PRKN: variants seen among roughly 807,000 people sequenced by gnomAD.
The protein encoded by PRKN is E3 ubiquitin-protein ligase parkin.
In PRKN, 56 loss-of-function variants were observed where a neutral mutation model predicts 59.5. That is an observed-to-expected ratio of 0.94 (90% confidence interval 0.76 to 1.18). The LOEUF (loss-of-function observed/expected upper bound fraction) is 1.18, where lower values mean the gene tolerates loss of function less well. PRKN is among the 50% of genes most tolerant of loss of function. The pLI, the probability that PRKN is intolerant of heterozygous loss-of-function variation, is 0.00. For synonymous variants in PRKN, 250 were observed against 222.1 expected, an observed-to-expected ratio of 1.13 and a Z score of -1.12; for missense variants, 657 against 596.4, an observed-to-expected ratio of 1.10 and a Z score of -1.06.
At chr6:161,891,712 A>G (rs1378995921) in intron 6 of PRKN, among the ~76,000 whole-genome samples, 1 of 152,228 alleles carries the variant, frequency 6.6e-6, no homozygotes, top group African/African-American at 2.4e-5. Context: ...AGACAAATAC[A>G]TCTTCATTCT....
At chr6:162,599,254 C>T (rs899961977) in intron 1 of PRKN, among the ~76,000 whole-genome samples, 6 of 151,938 alleles carry the variant, frequency 3.9e-5, no homozygotes, top group Non-Finnish European at 5.9e-5. Flanking sequence ...AAGAGCTAAC[C>T]CAGAAGATAA....
At chr6:161,879,965 C>T (rs888959994) in intron 6 of PRKN, among the ~76,000 whole-genome samples, 1 of 152,056 alleles carries the variant, frequency 6.6e-6, no homozygotes, top group Non-Finnish European at 1.5e-5. Flanking sequence ...GATGAAAATG[C>T]ACAGAATAAA....
chr6:162,439,496 C>T (rs1789949561), intron 2 of PRKN, among the ~76,000 whole-genome samples: 1 of 152,118 alleles, frequency 6.6e-6, no homozygotes, highest in Admixed American at 6.5e-5. Flanking sequence ...TCAAGAAATT[C>T]ACCTCTGGAT....
At chr6:161,482,739 C>T (rs1056798494) in intron 9 of PRKN, among the ~76,000 whole-genome samples, 1 of 152,122 alleles carries the variant, frequency 6.6e-6, no homozygotes, top group African/African-American at 2.4e-5. Flanking sequence ...GGTTAATGAC[C>T]CCAATTCTGG....
chr6:161,863,944 C>T (rs1181620314), intron 6 of PRKN, among the ~76,000 whole-genome samples: 1 of 152,164 alleles, frequency 6.6e-6, no homozygotes, highest in African/African-American at 2.4e-5. Flanking sequence ...TAATTTAAAA[C>T]TATTTTATTG....
chr6:161,582,489 C>T lies in PRKN; in HGVS notation c.872-13073G>A, dbSNP rs1386951935. Among the ~76,000 whole-genome samples the T allele has an allele frequency of 5.3e-5, 8 of 151,622 alleles. No individual in the cohort carries two copies. The highest frequency in any genetic ancestry group is 1.2e-4 in the Non-Finnish European group (8 of 67,956). Reference sequence around the variant, plus strand: ...TCGCCTAGGCTGGAGTGCAGTGGCGCGATCTAGGCTCACTGCAAGCTCCGC... The same window carrying T: ...TCGCCTAGGCTGGAGTGCAGTGGCGTGATCTAGGCTCACTGCAAGCTCCGC... On this transcript the variant is annotated intron_variant, in intron 7 of 11. Transcript: ENST00000366898. This position sits in a 1 kb window ranked among gnomAD's most constrained non-coding sequence, Gnocchi z 4.4.
chr6:161,450,540 T>C (rs1165868307), intron 9 of PRKN, among the ~76,000 whole-genome samples: 1 of 152,040 alleles, frequency 6.6e-6, no homozygotes, highest in Non-Finnish European at 1.5e-5. Context: ...ATACCATGAT[T>C]TACTTAATGT....
chr6:162,516,529 A>G (rs1323234366), intron 1 of PRKN, among the ~76,000 whole-genome samples: 1 of 152,180 alleles, frequency 6.6e-6, no homozygotes, highest in Admixed American at 6.6e-5. Flanking sequence ...AGGTGGGCGG[A>G]TCACTTGAGG....
intron 7 of PRKN, among the ~76,000 whole-genome samples, chr6:161,603,628 C>T (rs1782179148): frequency 1.3e-5 from 2 of 152,282 alleles, no homozygotes; most frequent in South Asian, 2.1e-4. Context: ...TGACTTTTAT[C>T]TTCTCTCTAA....
chr6:161,380,797 A>T (rs1785941777), intron 10 of PRKN, among the ~76,000 whole-genome samples: 1 of 152,190 alleles, frequency 6.6e-6, no homozygotes, highest in African/African-American at 2.4e-5. Context: ...ATATTTAACA[A>T]AAACGCATGG....
At chr6:162,194,843 G>T (rs1784428619) in intron 4 of PRKN, among the ~76,000 whole-genome samples, 1 of 152,186 alleles carries the variant, frequency 6.6e-6, no homozygotes, top group South Asian at 2.1e-4. Flanking sequence ...CTCTTTGCGA[G>T]GTGAGTGTGC....
chr6:161,475,659 G>C lies in PRKN; in HGVS notation c.1083+73195C>G, dbSNP rs891762038. Among the ~76,000 whole-genome samples, 1 of 151,924 alleles carries C rather than the reference G, an allele frequency of 6.6e-6. No individual in the cohort carries two copies. The highest frequency in any genetic ancestry group is 1.5e-5 in the Non-Finnish European group (1 of 67,994). ...CTGAGGCATTTTTGTATTTTTTGTA[G>C]AGACAGGGTTTTGCCATGTTGCCGA... On this transcript the variant is annotated intron_variant, in intron 9 of 11. Transcript: ENST00000366898. This position sits in a 1 kb window ranked among gnomAD's most constrained non-coding sequence, Gnocchi z 5.3.
At chr6:162,584,532 C>T (rs73595923) in intron 1 of PRKN, among the ~76,000 whole-genome samples, 3,088 of 151,898 alleles carry the variant, frequency 0.02, 101 homozygotes, top group African/African-American at 0.07. Context: ...GAATAATTCC[C>T]CTTGCTCCTA....
chr6:162,704,057 CACTTAGACAA>C (rs1184979189), intron 1 of PRKN, among the ~76,000 whole-genome samples: 1 of 152,098 alleles, frequency 6.6e-6, no homozygotes, highest in East Asian at 1.9e-4. Context: ...ACAATTTGGA[CACTTAGACAA>C]ACATTCTTGA....
chr6:162,241,784 C>G (rs1220544738), intron 3 of PRKN, among the ~76,000 whole-genome samples: 2 of 151,992 alleles, frequency 1.3e-5, no homozygotes, highest in Non-Finnish European at 2.9e-5. Context: ...TAGTAATAAT[C>G]ATGAAACTCA....
chr6:162,481,836 T>G (rs531911669), intron 1 of PRKN, among the ~76,000 whole-genome samples: 7 of 152,222 alleles, frequency 4.6e-5, no homozygotes, highest in Admixed American at 3.9e-4. Flanking sequence ...TGTGTTTGTG[T>G]CCTTTATATG....
chr6:162,329,081 C>G (rs531904349), intron 2 of PRKN, among the ~76,000 whole-genome samples: 1 of 152,134 alleles, frequency 6.6e-6, no homozygotes, highest in Non-Finnish European at 1.5e-5. Flanking sequence ...ATAAAATCTG[C>G]CAGTTTTTAA....
intron 1 of PRKN, among the ~76,000 whole-genome samples, chr6:162,522,546 A>C (rs1338199159): frequency 6.6e-6 from 1 of 152,230 alleles, no homozygotes; most frequent in Non-Finnish European, 1.5e-5. Flanking sequence ...AACTGTTTCT[A>C]ATAAAGTGAG....
At chr6:161,987,054 G>A (rs921769272) in intron 5 of PRKN, among the ~76,000 whole-genome samples, 1 of 152,012 alleles carries the variant, frequency 6.6e-6, no homozygotes, top group Admixed American at 6.6e-5. Context: ...CTTTTTATTC[G>A]TGTCTTCTTT....
Sources: gnomAD v4.1 joint callset for allele counts (sites outside exome capture counted in the v4.1 genomes callset) on GRCh38, gnomAD v4.1.1 for gene constraint, Gnocchi (gnomAD v3.1) non-coding constraint, MANE v1.5 for transcripts, NCBI Gene and HGNC (gene_info 2026-07-23, HGNC 2026-07-21) for gene names.